Variants in AAMDC observed in about 807,000 individuals in gnomAD.
The protein encoded by AAMDC is mth938 domain-containing protein.
A neutral mutation model predicts 15.5 loss-of-function variants in AAMDC; 16 were observed. That is an observed-to-expected ratio of 1.03 (90% confidence interval 0.70 to 1.57). The LOEUF (loss-of-function observed/expected upper bound fraction) is 1.57. Among genes scored for constraint, AAMDC ranks in the 40% most tolerant of loss-of-function variants. AAMDC has a pLI of 0.00. For missense variants in AAMDC, 141 were observed against 144.9 expected (o/e 0.97, Z 0.14); for synonymous variants, 51 against 51.6 (o/e 0.99, Z 0.05).
At chr11:77,862,486 C>G (rs1950923319) in intron 2 of AAMDC, among the ~76,000 whole-genome samples, 1 of 152,124 alleles carries the variant, frequency 6.6e-6, no homozygotes, top group Admixed American at 6.6e-5. Context: ...TTCTCCTCCT[C>G]CCACCACTTG....
chr11:77,846,505 G>A (rs1405866392), intron 2 of AAMDC, among the ~76,000 whole-genome samples: 1 of 152,138 alleles, frequency 6.6e-6, no homozygotes, highest in African/African-American at 2.4e-5. Context: ...TCAGGAGTTC[G>A]AGAGCAGCCT....
At chr11:77,895,932 A>G (rs1565229311) in intron 5 of AAMDC, among the ~76,000 whole-genome samples, 1 of 152,198 alleles carries the variant, frequency 6.6e-6, no homozygotes, top group Non-Finnish European at 1.5e-5. Flanking sequence ...TCGGGGGCTA[A>G]CAATCATTAA....
intron 5 of AAMDC, chr11:77,891,552 G>A (rs1952268079): frequency 9.6e-6 from 15 of 1,562,708 alleles, no homozygotes; most frequent in East Asian, 9.0e-5. Flanking sequence ...TATCTAATGA[G>A]TGGGCATGTG....
intron 3 of AAMDC, among the ~76,000 whole-genome samples, chr11:77,871,313 TAGCTGTCACTATTAAG>T (rs1951420877): frequency 6.6e-6 from 1 of 152,216 alleles, no homozygotes; most frequent in South Asian, 2.1e-4. Flanking sequence ...TATCTAATAA[TAGCTGTCACTATTAAG>T]AACATCTTTT....
At chr11:77,889,338 C>G (rs1447072086) in intron 5 of AAMDC, among the ~76,000 whole-genome samples, 2 of 143,970 alleles carry the variant, frequency 1.4e-5, no homozygotes, top group Non-Finnish European at 3.0e-5. Flanking sequence ...TAGGTGGGAA[C>G]TGAACAATGA....
chr11:77,901,176 A>G (rs1463697139), downstream of AAMDC, among the ~76,000 whole-genome samples: 1 of 152,224 alleles, frequency 6.6e-6, no homozygotes, highest in Non-Finnish European at 1.5e-5. Flanking sequence ...GTGTTGTGCT[A>G]TATGTAATGG....
intron 3 of AAMDC, among the ~76,000 whole-genome samples, chr11:77,871,679 C>G (rs770191373): frequency 6.6e-6 from 1 of 152,130 alleles, no homozygotes; most frequent in Non-Finnish European, 1.5e-5. Context: ...AAGAGCTAGC[C>G]TAACATTTCT....
intron 5 of AAMDC, among the ~76,000 whole-genome samples, chr11:77,883,243 C>T (rs1951862717): frequency 6.6e-6 from 1 of 152,118 alleles, no homozygotes; most frequent in South Asian, 2.1e-4. Flanking sequence ...TTGGGAAACA[C>T]CACTGAGGCC....
chr11:77,892,853 G>C (rs1031643012), intron 5 of AAMDC, among the ~76,000 whole-genome samples: 1 of 152,172 alleles, frequency 6.6e-6, no homozygotes, highest in African/African-American at 2.4e-5. Flanking sequence ...AAAGTGCTGG[G>C]ATTACAGGCG....
At chr11:77,887,511 C>T (rs1223988230) in intron 5 of AAMDC, among the ~76,000 whole-genome samples, 2 of 152,068 alleles carry the variant, frequency 1.3e-5, no homozygotes, top group African/African-American at 4.8e-5. Flanking sequence ...AAAACTGGCA[C>T]AAGACAGGGA....
chr11:77,877,968 CCT>C (rs1032396484), intron 5 of AAMDC, among the ~76,000 whole-genome samples: 16 of 152,100 alleles, frequency 1.1e-4, no homozygotes, highest in African/African-American at 2.4e-4. Context: ...GCACTGGACC[CCT>C]GTTTCCCATA....
At chr11:77,899,860 T>C (rs1040287748) in intron 5 of AAMDC, among the ~76,000 whole-genome samples, 1 of 152,082 alleles carries the variant, frequency 6.6e-6, no homozygotes, top group Non-Finnish European at 1.5e-5. Context: ...TCTATGTTTA[T>C]ATGGTTTGGG....
intron 1 of AAMDC, among the ~76,000 whole-genome samples, chr11:77,828,204 G>A (rs1949264273): frequency 1.3e-5 from 2 of 152,024 alleles, no homozygotes; most frequent in South Asian, 4.1e-4. Flanking sequence ...GAACTTGGGA[G>A]GCAGAGGTTG....
At chr11:77,840,756 A>G (rs1272618180) in intron 1 of AAMDC, among the ~76,000 whole-genome samples, 1 of 151,976 alleles carries the variant, frequency 6.6e-6, no homozygotes, top group Non-Finnish European at 1.5e-5. Flanking sequence ...GTTTTTGTTT[A>G]TTTGCATGCC....
intron 1 of AAMDC, chr11:77,841,301 A>T: frequency 2.9e-6 from 2 of 693,294 alleles, no homozygotes; most frequent in Non-Finnish European, 5.3e-6. Context: ...TTCAAACCAT[A>T]GCACTAAACT....
chr11:77,828,950 A>G (rs1019354036), intron 1 of AAMDC, among the ~76,000 whole-genome samples: 3 of 152,106 alleles, frequency 2.0e-5, no homozygotes, highest in Admixed American at 6.6e-5. Context: ...AAGTTGAAGG[A>G]CTCACACTTC....
intron 1 of AAMDC, among the ~76,000 whole-genome samples, chr11:77,830,934 A>G (rs1949391445): frequency 7.0e-6 from 1 of 143,856 alleles, no homozygotes; most frequent in African/African-American, 2.6e-5. Context: ...TGAGTCCAGG[A>G]GTTTGAGACC....
chr11:77,857,884 A>T (rs1310492651), intron 2 of AAMDC, among the ~76,000 whole-genome samples: 1 of 151,968 alleles, frequency 6.6e-6, no homozygotes. Flanking sequence ...TTTAGTAGAG[A>T]CAGGGTTTCA....
At chr11:77,829,961 A>G (rs966618751) in intron 1 of AAMDC, 3 of 152,152 alleles carry the variant, frequency 2.0e-5, no homozygotes, top group Admixed American at 6.6e-5. Context: ...GTGAGACCCC[A>G]TCTCTACAAA....
Sources: allele counts gnomAD v4.1 joint callset (sites outside exome capture counted in the v4.1 genomes callset), GRCh38; gene constraint gnomAD v4.1.1; transcripts MANE v1.5; gene names NCBI Gene and HGNC (gene_info 2026-07-23, HGNC 2026-07-21).